KMT2E: variants seen among roughly 807,000 people sequenced by gnomAD.
KMT2E encodes histone reader KMT2E.
Under a neutral mutation model 184.6 loss-of-function variants are expected in KMT2E, and 30 were observed. That is an observed-to-expected ratio of 0.16 (90% confidence interval 0.12 to 0.22). The LOEUF (loss-of-function observed/expected upper bound fraction) is 0.22. Among genes scored for constraint, KMT2E ranks in the 10% least tolerant of loss-of-function variants. The pLI is 1.00. For synonymous variants in KMT2E, 815 were observed against 776.5 expected (o/e 1.05, Z -0.82); for missense variants, 2,023 against 2,237.4 (o/e 0.90, Z 1.93).
At chr7:105,028,081 ATATC>A (rs34064516) in intron 1 of KMT2E, among the ~76,000 whole-genome samples, 46,826 of 151,838 alleles carry the variant, frequency 0.31, 7,525 homozygotes, top group Non-Finnish European at 0.36. Flanking sequence ...TAATAAATAA[ATATC>A]TACACTGTGT....
chr7:105,032,480 G>A (rs1345174339), intron 1 of KMT2E, among the ~76,000 whole-genome samples: 2 of 152,164 alleles, frequency 1.3e-5, no homozygotes, highest in African/African-American at 4.8e-5. Flanking sequence ...TTAAAAAAAA[G>A]TTATTTACTT....
intron 6 of KMT2E, among the ~76,000 whole-genome samples, chr7:105,071,013 C>G (rs1476290567): frequency 6.6e-6 from 1 of 152,138 alleles, no homozygotes; most frequent in Admixed American, 6.6e-5. Flanking sequence ...TTAAGTCTAA[C>G]TCATCCCTGC....
intron 1 of KMT2E, among the ~76,000 whole-genome samples, chr7:105,028,098 A>G (rs1795244533): frequency 6.6e-6 from 1 of 152,090 alleles, no homozygotes; most frequent in Admixed American, 6.5e-5. Flanking sequence ...CACTGTGTCT[A>G]CATATCGTAC....
In KMT2E at chr7:105,025,200, C is replaced by T. The variant is rs181035679; in HGVS notation, c.-189+10665C>T. On this transcript the variant is annotated intron_variant, in intron 1 of 26. Transcript: ENST00000311117. Reference sequence around the variant, plus strand: ...GAGTAGAGATTCCAGAACCATACCACTTTGGTTTGATTGCACTCAAACCAG... The same window carrying T: ...GAGTAGAGATTCCAGAACCATACCATTTTGGTTTGATTGCACTCAAACCAG... Among the ~76,000 whole-genome samples, 317 of 152,256 alleles carry T rather than the reference C, an allele frequency of 2.1e-3. 1 individual carries two copies. Among genetic ancestry groups the T allele is most frequent in the Middle Eastern group, 6.8e-3 (2 of 294 alleles).
intron 3 of KMT2E, among the ~76,000 whole-genome samples, chr7:105,052,855 C>T (rs1039956771): frequency 2.0e-5 from 3 of 152,090 alleles, no homozygotes; most frequent in African/African-American, 7.2e-5. Flanking sequence ...GCTGAGATTA[C>T]AGGCATGAGC....
In KMT2E at chr7:105,063,502, G is replaced by T; in HGVS notation, c.338G>T (p.Ser113Ile). ...ACAATCAGCACATCTGAGGATGGAA[G>T]TTATGGTACTGATGTAACCAGGTGC... ...ATTISTSEDGSYGTDVTRCIC... is the reference protein window; with the variant it reads ...ATTISTSEDGIYGTDVTRCIC... Residue 113 changes from serine (S) to isoleucine (I), a missense_variant, in exon 5 of 27, where the codon AGT becomes ATT. Physicochemically the swap from Ser to Ile is moderately radical, Grantham distance 142. Around this residue, in one of 8 missense-constraint regions of KMT2E, gnomAD observed 48 missense variants for 51.5 expected, o/e 0.93. Coordinates refer to ENST00000311117, the MANE Select transcript of KMT2E (RefSeq NM_182931.3). 2 of 1,613,860 alleles carry T rather than the reference G, an allele frequency of 1.2e-6. No individual in the cohort carries two copies. Among genetic ancestry groups the T allele is most frequent in the Non-Finnish European group, 1.7e-6 (2 of 1,179,854 alleles).
Position 105,102,187 on chromosome 7 carries a change from CAAA to C in KMT2E, c.2190_2192del (p.Lys732del). 1 of 1,599,486 alleles carries C rather than the reference CAAA, an allele frequency of 6.3e-7. No homozygotes were observed. Among genetic ancestry groups the C allele is most frequent in the Non-Finnish European group, 8.5e-7 (1 of 1,175,268 alleles). ...AAATGTCCTACCAAGTACCCCAAAA[CAAA>C]GAAGGTATGATTCTAATGAATGTAA... On this transcript the variant is annotated inframe_deletion, in exon 17 of 27. Coordinates refer to ENST00000311117, the MANE Select transcript of KMT2E (RefSeq NM_182931.3).
chr7:105,090,700 T>G (rs1009743325), intron 14 of KMT2E, among the ~76,000 whole-genome samples: 6 of 152,146 alleles, frequency 3.9e-5, no homozygotes, highest in African/African-American at 1.4e-4. Flanking sequence ...TAAGAACATA[T>G]AAGGTAATTT....
At chr7:105,021,036 A>G (rs1794927823) in intron 1 of KMT2E, among the ~76,000 whole-genome samples, 1 of 152,206 alleles carries the variant, frequency 6.6e-6, no homozygotes, top group Non-Finnish European at 1.5e-5. Flanking sequence ...TCCTCTTACC[A>G]TCTTGCTTTA....
intron 13 of KMT2E, among the ~76,000 whole-genome samples, chr7:105,088,073 G>A (rs758647346): frequency 2.6e-5 from 4 of 151,972 alleles, no homozygotes; most frequent in Admixed American, 6.6e-5. Context: ...TCGAAGGTAG[G>A]AGATTTAGCA....
In KMT2E at chr7:105,040,936, T is replaced by C; in HGVS notation, c.-17T>C. ...CATAGGACTCCATAGTAATCGAATTTACCAGAGGCGAACGTCATGAGCATA... is the reference window on the plus strand; with the variant it reads ...CATAGGACTCCATAGTAATCGAATTCACCAGAGGCGAACGTCATGAGCATA... On this transcript the variant is annotated 5_prime_UTR_variant, in exon 3 of 27. Transcript: ENST00000311117. 1 of 1,605,342 alleles carries C rather than the reference T, an allele frequency of 6.2e-7. No individual in the cohort carries two copies. Among genetic ancestry groups the C allele is most frequent in the Non-Finnish European group, 8.5e-7 (1 of 1,175,268 alleles).
chr7:105,098,036 C>A (rs1798488884), intron 15 of KMT2E, among the ~76,000 whole-genome samples: 1 of 152,162 alleles, frequency 6.6e-6, no homozygotes, highest in Non-Finnish European at 1.5e-5. Context: ...GGAGACACCA[C>A]ACAAGCCATA....
intron 13 of KMT2E, among the ~76,000 whole-genome samples, chr7:105,086,799 T>C (rs1797982969): frequency 1.4e-5 from 2 of 146,670 alleles, no homozygotes; most frequent in South Asian, 4.2e-4. Context: ...TATATAAAAA[T>C]ATGATTATAT....
intron 6 of KMT2E, among the ~76,000 whole-genome samples, chr7:105,070,275 G>T (rs1258208632): frequency 5.3e-5 from 8 of 151,972 alleles, no homozygotes; most frequent in Admixed American, 5.2e-4. Flanking sequence ...CTATTTTCCG[G>T]AATGGCTATT....
intron 3 of KMT2E, among the ~76,000 whole-genome samples, chr7:105,050,723 G>A (rs1796303171): frequency 1.7e-5 from 2 of 120,544 alleles, no homozygotes; most frequent in South Asian, 5.1e-4. Context: ...CTGTCTGTCT[G>A]TCTGTCTTTC....
chr7:105,089,858 A>G, intron 13 of KMT2E, 151 bp from the exon 14 acceptor site: 1 of 1,100,100 alleles, frequency 9.1e-7, no homozygotes, highest in Non-Finnish European at 1.3e-6. Context: ...TTTTTGTGGT[A>G]GTTAACTAGG....
chr7:105,062,403 T>C (rs1389142817), intron 4 of KMT2E, 125 bp downstream of exon 4: 2 of 549,256 alleles, frequency 3.6e-6, no homozygotes, highest in Admixed American at 7.0e-5. Flanking sequence ...TCAAAATAAT[T>C]AGGCGTTTAA....
intron 11 of KMT2E, chr7:105,077,681 A>C (rs959741842): frequency 2.7e-6 from 1 of 367,848 alleles, no homozygotes; most frequent in Non-Finnish European, 4.9e-6. Flanking sequence ...ATCCTAAAAC[A>C]ATCTACTTCA....
chr7:105,081,819 T>C, intron 13 of KMT2E, 22 bp downstream of exon 13: 1 of 980,394 alleles, frequency 1.0e-6, no homozygotes, highest in South Asian at 1.5e-5. Context: ...TCTATAAATG[T>C]AATCTGTTGT....
Sources: allele counts gnomAD v4.1 joint callset (sites outside exome capture counted in the v4.1 genomes callset), GRCh38; gene constraint gnomAD v4.1.1; regional missense constraint gnomAD v4.1.1; transcripts MANE v1.5; gene names NCBI Gene and HGNC (gene_info 2026-07-23, HGNC 2026-07-21).